The following HAUS1 variants were observed in gnomAD, a reference collection of about 807,000 sequenced individuals.
HAUS1 encodes HAUS augmin-like complex subunit 1.
Under a neutral mutation model 38.6 loss-of-function variants are expected in HAUS1, and 25 were observed. That is an observed-to-expected ratio of 0.65 (90% CI 0.47 to 0.91). The LOEUF is 0.91. Among genes scored for constraint, HAUS1 ranks in the 40% least tolerant of loss-of-function variants. The pLI is 0.00. For missense variants in HAUS1, 325 were observed against 328.4 expected (o/e 0.99, Z 0.08); for synonymous variants, 109 against 112.9 (o/e 0.97, Z 0.22).
At chr18:46,116,849 C>T (rs1234722684) in intron 2 of HAUS1, among the ~76,000 whole-genome samples, 1 of 151,858 alleles carries the variant, frequency 6.6e-6, no homozygotes, top group Non-Finnish European at 1.5e-5. Flanking sequence ...ACCATCTCCA[C>T]AAAAAAATAC....
intron 2 of HAUS1, among the ~76,000 whole-genome samples, chr18:46,106,984 C>T (rs1056697420): frequency 2.0e-5 from 3 of 152,052 alleles, no homozygotes; most frequent in Non-Finnish European, 4.4e-5. Context: ...CACTGCACTC[C>T]AGCCTGGGCA....
At chr18:46,113,417 C>A (rs542771015) in intron 2 of HAUS1, among the ~76,000 whole-genome samples, 56 of 152,224 alleles carry the variant, frequency 3.7e-4, no homozygotes, top group African/African-American at 1.3e-3. Flanking sequence ...CTTATTCTTT[C>A]TTCTGCCGCT....
intron 6 of HAUS1, among the ~76,000 whole-genome samples, chr18:46,124,357 C>T (rs1912035762): frequency 6.9e-6 from 1 of 143,914 alleles, no homozygotes; most frequent in South Asian, 2.2e-4. Context: ...GCGGAGGTTG[C>T]AGTGGGCCGA....
At chr18:46,125,990 A>G (rs551613477) in intron 8 of HAUS1, 199 bp downstream of exon 8, 3 of 446,176 alleles carry the variant, frequency 6.7e-6, no homozygotes, top group East Asian at 3.8e-5. Flanking sequence ...TAAGAAACAT[A>G]TAGTAGCTGG....
intron 3 of HAUS1, among the ~76,000 whole-genome samples, chr18:46,118,961 G>A (rs1459053228): frequency 5.9e-5 from 9 of 152,050 alleles, no homozygotes; most frequent in African/African-American, 1.2e-4. Context: ...TCCGCCTCCC[G>A]GGGTAAAGCG....
chr18:46,120,462 G>T (rs1461344075), intron 4 of HAUS1, among the ~76,000 whole-genome samples: 1 of 151,912 alleles, frequency 6.6e-6, no homozygotes, highest in South Asian at 2.1e-4. Context: ...TCGAACTCCC[G>T]ACCTCAGGTG....
At chr18:46,114,533 G>T (rs571734747) in intron 2 of HAUS1, among the ~76,000 whole-genome samples, 6 of 152,170 alleles carry the variant, frequency 3.9e-5, no homozygotes, top group African/African-American at 1.4e-4. Context: ...CGGAGCAAGG[G>T]CCATTGGGAC....
chr18:46,113,564 G>A (rs896071364), intron 2 of HAUS1, among the ~76,000 whole-genome samples: 2 of 151,990 alleles, frequency 1.3e-5, no homozygotes, highest in African/African-American at 2.4e-5. Context: ...CTTACCTCAT[G>A]TTCCTTCTTT....
chr18:46,118,860 A>G (rs1712223826), intron 3 of HAUS1, among the ~76,000 whole-genome samples: 1 of 151,874 alleles, frequency 6.6e-6, no homozygotes, highest in Admixed American at 6.6e-5. Context: ...TAGGACTACT[A>G]ATATTTTGTT....
intron 2 of HAUS1, among the ~76,000 whole-genome samples, chr18:46,113,314 T>A (rs1349475661): frequency 6.6e-6 from 1 of 151,888 alleles, no homozygotes; most frequent in Admixed American, 6.6e-5. Flanking sequence ...TGACCTCAAG[T>A]GATCTGCCTG....
rs559037782 is a variant in HAUS1 at position 46,117,229 on chromosome 18, C to T, written c.206-952C>T. On this transcript the variant is annotated intron_variant, in intron 2 of 8. Coordinates refer to ENST00000282058, the MANE Select transcript of HAUS1 (RefSeq NM_138443.4). ...TGTTCATATCAAAACCTAACATTTA[C>T]TGAATAAATGTTTTTAGCAGCATTT... Among the ~76,000 whole-genome samples the T allele has an allele frequency of 1.2e-4, 18 of 152,266 alleles. 1 individual carries two copies. The highest frequency in any genetic ancestry group is 2.0e-4 in the Admixed American group (3 of 15,286).
At chr18:46,122,914 G>A (rs376842842) in intron 5 of HAUS1, among the ~76,000 whole-genome samples, 3 of 152,216 alleles carry the variant, frequency 2.0e-5, no homozygotes, top group African/African-American at 7.2e-5. Context: ...TGTGTTATAT[G>A]TTAAAAATAT....
rs1568262623 is a variant in HAUS1, at chr18:46,110,353, T to TTTTG, written c.205+4988_205+4989insGTTT. Among the ~76,000 whole-genome samples the TTTTG allele has an allele frequency of 2.7e-3, 365 of 136,234 alleles. 6 individuals are homozygous for TTTTG. Among genetic ancestry groups the TTTTG allele is most frequent in the African/African-American group, 9.6e-3 (350 of 36,626 alleles). 89.4% of individuals were successfully genotyped at this position (136,234 alleles called of 152,430 possible). A position where few individuals can be genotyped will look rare whatever the true frequency, so the allele number is the denominator to read the frequency against. On this transcript the variant is annotated intron_variant, in intron 2 of 8. Coordinates refer to ENST00000282058, the MANE Select transcript of HAUS1 (RefSeq NM_138443.4). Reference sequence around the variant, plus strand: ...TTAAGGTTTTTTTTTTTTTTTTTTTTTTTTTTTTTAGATGGAGTTTCACTC... The same window carrying TTTTG: ...TTAAGGTTTTTTTTTTTTTTTTTTTTTTTGTTTTTTTTTAGATGGAGTTTCACTC...
At chr18:46,112,986 A>AATAT (rs59054651) in intron 2 of HAUS1, among the ~76,000 whole-genome samples, 2 of 84,402 alleles carry the variant, frequency 2.4e-5, no homozygotes, top group Non-Finnish European at 4.4e-5. Flanking sequence ...TTATATATAT[A>AATAT]ATATATATTC....
chr18:46,123,514 C>G, intron 6 of HAUS1, 150 bp downstream of exon 6: 2 of 604,864 alleles, frequency 3.3e-6, no homozygotes, highest in South Asian at 4.5e-5. Flanking sequence ...GTATTTATAT[C>G]TTTTATTCCT....
intron 2 of HAUS1, among the ~76,000 whole-genome samples, chr18:46,114,465 G>A (rs542989897): frequency 3.3e-5 from 5 of 152,218 alleles, no homozygotes; most frequent in South Asian, 2.1e-4. Context: ...GAGGGAGTGC[G>A]GCAGCCTTAG....
At chr18:46,120,903 A>C (rs1197115218) in intron 4 of HAUS1, among the ~76,000 whole-genome samples, 1 of 152,208 alleles carries the variant, frequency 6.6e-6, no homozygotes, top group Non-Finnish European at 1.5e-5. Flanking sequence ...TTTTCTTAAA[A>C]ACAAATAATA....
At chr18:46,117,971 G>C (rs959454661) in intron 2 of HAUS1, among the ~76,000 whole-genome samples, 1 of 151,742 alleles carries the variant, frequency 6.6e-6, no homozygotes, top group East Asian at 1.9e-4. Flanking sequence ...GAAAAATAAA[G>C]TGATGACTAA....
intron 2 of HAUS1, among the ~76,000 whole-genome samples, chr18:46,116,060 C>A (rs982162113): frequency 2.0e-5 from 3 of 150,088 alleles, no homozygotes; most frequent in African/African-American, 4.9e-5. Flanking sequence ...GAACCGAGAT[C>A]GTGCCACTGC....
Sources: allele counts gnomAD v4.1 joint callset (sites outside exome capture counted in the v4.1 genomes callset), GRCh38; gene constraint gnomAD v4.1.1; transcripts MANE v1.5; gene names NCBI Gene and HGNC (gene_info 2026-07-23, HGNC 2026-07-21).